The following LONP2 variants were observed in gnomAD, a reference collection of about 807,000 sequenced individuals.
LONP2 encodes lon peptidase 2, peroxisomal, also known as lon protease homolog 2, peroxisomal.
Under a neutral mutation model 85.6 loss-of-function variants are expected in LONP2, and 60 were observed. The ratio of observed to expected loss-of-function variants is 0.70; its 90% CI spans 0.57 to 0.87. The LOEUF is 0.87. Ranked by LOEUF, LONP2 falls within the 40% of genes least tolerant of loss-of-function variation. The probability of loss-of-function intolerance (pLI) is 0.00; values close to 1 mark genes in which losing one functional copy is unlikely to be tolerated. For synonymous variants in LONP2, 395 were observed against 389.7 expected (o/e 1.01, Z -0.16); for missense variants, 860 against 1,063.5 (o/e 0.81, Z 2.66).
At chr16:48,259,287 A>G (rs1033477252) in intron 4 of LONP2, among the ~76,000 whole-genome samples, 1 of 152,168 alleles carries the variant, frequency 6.6e-6, no homozygotes, top group Non-Finnish European at 1.5e-5. Flanking sequence ...TCTTTAACCC[A>G]TATATTATTT....
intron 8 of LONP2, among the ~76,000 whole-genome samples, chr16:48,294,247 C>T (rs1359902261): frequency 6.6e-6 from 1 of 152,018 alleles, no homozygotes; most frequent in African/African-American, 2.4e-5. Flanking sequence ...GGCCTGTGAA[C>T]AGTTTTTAGA....
intron 7 of LONP2, among the ~76,000 whole-genome samples, chr16:48,273,041 C>A (rs1326231219): frequency 6.6e-6 from 1 of 152,136 alleles, no homozygotes; most frequent in Non-Finnish European, 1.5e-5. Context: ...TGGGAGACAA[C>A]CCAGGTCTTG....
intron 9 of LONP2, among the ~76,000 whole-genome samples, chr16:48,297,247 C>T (rs2150996959): frequency 6.6e-6 from 1 of 152,260 alleles, no homozygotes; most frequent in African/African-American, 2.4e-5. Context: ...ATCTGCCTGC[C>T]TTGGCCTCCA....
intron 11 of LONP2, among the ~76,000 whole-genome samples, chr16:48,321,779 T>C (rs866006890): frequency 6.6e-6 from 1 of 152,158 alleles, no homozygotes; most frequent in African/African-American, 2.4e-5. Context: ...AGCTGGTACT[T>C]CTGTATAAAG....
chr16:48,284,231 G>A (rs910140637), intron 8 of LONP2, among the ~76,000 whole-genome samples: 3 of 152,166 alleles, frequency 2.0e-5, no homozygotes, highest in Non-Finnish European at 4.4e-5. Context: ...CAACCTTGAT[G>A]TTGTGAACCT....
intron 11 of LONP2, among the ~76,000 whole-genome samples, chr16:48,307,985 C>G (rs938465245): frequency 2.0e-5 from 3 of 152,134 alleles, no homozygotes; most frequent in Admixed American, 2.0e-4. Context: ...TTTTAACAAC[C>G]AGCTGTCATG....
chr16:48,299,764 T>G lies in LONP2; in HGVS notation c.1637T>G (p.Val546Gly). ...CCACAGCAGATTCAGATACCCCAGG[T>G]CACCACTCTTGACATCATCACCAGG... The part of the protein sequence containing the change: ...LTPQQIQIPQ[V>G]TTLDIITRYT... Residue 546 changes from valine (V) to glycine (G), a missense_variant, in exon 10 of 15, where the codon GTC becomes GGC. By Grantham distance (109) the Val-to-Gly change is moderately radical. Coordinates refer to ENST00000285737, the MANE Select transcript of LONP2 (RefSeq NM_031490.5). 6.2e-7 allele frequency: 1 copy of G among 1,613,498 alleles called. No individual in the cohort carries two copies. Among genetic ancestry groups the G allele is most frequent in the Non-Finnish European group, 8.5e-7 (1 of 1,179,806 alleles).
chr16:48,256,107 G>A (rs1971753462), intron 2 of LONP2, among the ~76,000 whole-genome samples: 1 of 152,146 alleles, frequency 6.6e-6, no homozygotes, highest in Admixed American at 6.5e-5. Flanking sequence ...TTAAGAACAA[G>A]GGTCCTTAAT....
chr16:48,348,299 GAAA>G lies in LONP2; in HGVS notation c.2337+13_2337+15del, dbSNP rs1169243114. The G allele has an allele frequency of 4.2e-6, 6 of 1,416,842 alleles. No homozygotes were observed. The East Asian group carries it at 1.6e-4, about 38-fold the overall frequency. 87.8% of individuals were successfully genotyped at this position (1,416,842 alleles called of 1,614,324 possible). ...GAGGTCTTGTTCTTCCAGTAAGTAT[GAAA>G]AAACAATTTATATGGTTATTTTTTA... On this transcript the variant is annotated intron_variant, in intron 14 of 14. Transcript: ENST00000285737.
At chr16:48,342,340 C>T (rs1411976693) in intron 12 of LONP2, among the ~76,000 whole-genome samples, 1 of 152,212 alleles carries the variant, frequency 6.6e-6, no homozygotes, top group East Asian at 1.9e-4. Flanking sequence ...TCATGCTTGC[C>T]TTTCAAGCAA....
intron 7 of LONP2, among the ~76,000 whole-genome samples, chr16:48,273,180 G>C (rs1972141147): frequency 6.6e-6 from 1 of 152,150 alleles, no homozygotes; most frequent in African/African-American, 2.4e-5. Context: ...CAGGGAAAAA[G>C]AAAGCTGCTT....
At chr16:48,323,425 C>T (rs117920257) in intron 11 of LONP2, among the ~76,000 whole-genome samples, 4,140 of 152,112 alleles carry the variant, frequency 0.027, 76 homozygotes, top group Non-Finnish European at 0.038. Flanking sequence ...GAGGCCAAGG[C>T]GGGTGGATTA....
Position 48,351,627 on chromosome 16 carries a change from T to C in LONP2, c.2384T>C (p.Leu795Pro). 1 of 1,614,058 alleles carries C rather than the reference T, an allele frequency of 6.2e-7. No homozygotes were observed. The highest frequency in any genetic ancestry group is 1.1e-5 in the South Asian group (1 of 91,076). ...GTGCTGGCGGCACACAGAGCGGGAC[T>C]GAAGCAAGTCATTATTCCTCGGAGA... ...DKVLAAHRAG[L>P]KQVIIPRRNE... Residue 795 changes from leucine to proline, a missense_variant, in exon 15 of 15, where the codon CTG becomes CCG. Transcript: ENST00000285737.
chr16:48,300,086 A>G (rs935519930), intron 10 of LONP2, among the ~76,000 whole-genome samples: 3 of 152,264 alleles, frequency 2.0e-5, no homozygotes, highest in African/African-American at 7.2e-5. Context: ...ATGCTTTGCC[A>G]CAATAGCAAT....
At chr16:48,318,083 A>T (rs1973182876) in intron 11 of LONP2, among the ~76,000 whole-genome samples, 1 of 145,788 alleles carries the variant, frequency 6.9e-6, no homozygotes, top group East Asian at 2.0e-4. Context: ...AAGAATAGTT[A>T]AAAAAAAAAA....
At chr16:48,347,006 C>T (rs1021798662) in intron 12 of LONP2, among the ~76,000 whole-genome samples, 2 of 151,768 alleles carry the variant, frequency 1.3e-5, no homozygotes, top group African/African-American at 2.4e-5. Flanking sequence ...CAAAAATTAG[C>T]GGGTGTGGTG....
At chr16:48,346,622 T>C (rs534464491) in intron 12 of LONP2, among the ~76,000 whole-genome samples, 11 of 152,166 alleles carry the variant, frequency 7.2e-5, no homozygotes, top group Non-Finnish European at 1.6e-4. Context: ...CTCACTTTTC[T>C]TTTCAAAAAA....
intron 11 of LONP2, among the ~76,000 whole-genome samples, chr16:48,305,785 T>G (rs1027424453): frequency 3.9e-5 from 6 of 152,248 alleles, no homozygotes; most frequent in Non-Finnish European, 8.8e-5. Flanking sequence ...ACTTTTTGTT[T>G]CCCAAAATTT....
intron 11 of LONP2, among the ~76,000 whole-genome samples, chr16:48,314,719 T>A (rs1264903540): frequency 2.0e-5 from 3 of 152,230 alleles, no homozygotes; most frequent in African/African-American, 7.2e-5. Flanking sequence ...GGCACACTTT[T>A]ACATAATTTT....
Sources: gnomAD v4.1 joint callset for allele counts (sites outside exome capture counted in the v4.1 genomes callset) on GRCh38, gnomAD v4.1.1 for gene constraint, MANE v1.5 for transcripts, NCBI Gene and HGNC (gene_info 2026-07-23, HGNC 2026-07-21) for gene names.